TARBP1: variants seen among roughly 807,000 people sequenced by gnomAD.
TARBP1 encodes the protein tRNA (guanosine(18)-2'-O)-methyltransferase TARBP1.
Under a neutral mutation model 178.6 loss-of-function variants are expected in TARBP1, and 144 were observed. That is an observed-to-expected ratio of 0.81 (90% CI 0.70 to 0.93). The LOEUF (loss-of-function observed/expected upper bound fraction) is 0.93. TARBP1 is among the 40% of genes least tolerant of loss of function. TARBP1 has a pLI of 0.00. For missense variants in TARBP1, 2,067 were observed against 2,011.7 expected (o/e 1.03, Z -0.53); for synonymous variants, 787 against 781.0 (o/e 1.01, Z -0.13).
chr1:234,435,120 A>C (rs953273146), intron 13 of TARBP1, among the ~76,000 whole-genome samples: 3 of 152,188 alleles, frequency 2.0e-5, no homozygotes, highest in African/African-American at 7.2e-5. Context: ...AGGGCGCTAG[A>C]AGGGAACATG....
At chr1:234,398,689 T>C in intron 25 of TARBP1, 136 bp from the exon 26 acceptor site, 1 of 650,056 alleles carries the variant, frequency 1.5e-6, no homozygotes, top group Non-Finnish European at 2.3e-6. Flanking sequence ...TACTTTCATT[T>C]ATATCTTATA....
chr1:234,472,264 T>C (rs1423726118), intron 2 of TARBP1, among the ~76,000 whole-genome samples: 3 of 142,686 alleles, frequency 2.1e-5, no homozygotes, highest in African/African-American at 7.9e-5. Flanking sequence ...AGGAGGCGGA[T>C]GTTGCAGTGA....
Position 234,478,341 on chromosome 1 carries a change from C to G in TARBP1, c.763G>C (p.Ala255Pro). 7.8e-7 allele frequency: 1 copy of G among 1,284,382 alleles called. No individual in the cohort carries two copies. The highest frequency in any genetic ancestry group is 2.7e-5 in the South Asian group (1 of 36,568). 79.6% of individuals were successfully genotyped at this position (1,284,382 alleles called of 1,614,324 possible). A position where few individuals can be genotyped will look rare whatever the true frequency, so the allele number is the denominator to read the frequency against. Residue 255 changes from alanine to proline, a missense_variant, in exon 1 of 30, where the codon GCG becomes CCG. By Grantham distance (27) the Ala-to-Pro change is conservative. Transcript: ENST00000040877. ...CAGCAGCGCCGGGCGTCCGGGCCCG[C>G]CTCGCGCGCGCCGCGGGCGCGGTCG... ...GGDRARGARE[A>P]GPDARRCWRF...
At chr1:234,400,318 T>C (rs1660555050) in intron 25 of TARBP1, 2 of 152,200 alleles carry the variant, frequency 1.3e-5, no homozygotes, top group Admixed American at 6.5e-5. Context: ...CAAAGCATTC[T>C]GGGCGCTAAA....
At chr1:234,406,306 C>G in intron 23 of TARBP1, 2 of 566,988 alleles carry the variant, frequency 3.5e-6, no homozygotes, top group Non-Finnish European at 6.3e-6. Flanking sequence ...AACACATTCT[C>G]CCAGCTCTAG....
intron 9 of TARBP1, among the ~76,000 whole-genome samples, chr1:234,454,057 G>A (rs757296534): frequency 6.6e-6 from 1 of 152,104 alleles, no homozygotes; most frequent in Admixed American, 6.5e-5. Flanking sequence ...AATACAACAG[G>A]CAAATGTCTC....
chr1:234,458,946 A>C (rs915309957), intron 8 of TARBP1, among the ~76,000 whole-genome samples: 4 of 152,218 alleles, frequency 2.6e-5, no homozygotes, highest in Non-Finnish European at 4.4e-5. Flanking sequence ...TCTCAGAAAG[A>C]AAGCAGGTTT....
intron 20 of TARBP1, among the ~76,000 whole-genome samples, chr1:234,423,768 T>TC (rs1238516884): frequency 1.3e-5 from 2 of 150,888 alleles, no homozygotes; most frequent in Admixed American, 1.3e-4. Flanking sequence ...TTTTTTTTTT[T>TC]AGAGACGTAG....
In TARBP1 at chr1:234,410,654, C is replaced by G. The variant is rs556667457; in HGVS notation, c.3706-123G>C. 1.1e-5 allele frequency: 7 copies of G among 612,282 alleles called. No individual in the cohort carries two copies. In the East Asian group the frequency reaches 2.2e-4, roughly 19 times the overall value. 37.9% of individuals were successfully genotyped at this position (612,282 alleles called of 1,614,324 possible). A position where few individuals can be genotyped will look rare whatever the true frequency, so the allele number is the denominator to read the frequency against. ...GAGGCAGCCTCTTCCCTGGAACAGC[C>G]CGGGGTCTGGGTGGGAAGGGGGCTG... On this transcript the variant is annotated intron_variant, in intron 22 of 29. Transcript: ENST00000040877.
At position 234,407,341 on chromosome 1, in the gene TARBP1, C is replaced by CTTTTTTTTTTTTTTTTTTT. The variant is rs543930869; in HGVS notation, c.3793-1243_3793-1242insAAAAAAAAAAAAAAAAAAA. The CTTTTTTTTTTTTTTTTTTT allele has an allele frequency of 8.0e-5, 11 of 137,058 alleles. 1 individual carries two copies. The highest frequency in any genetic ancestry group is 2.7e-4 in the African/African-American group (10 of 36,562). The allele number at this position is 137,058 out of a possible 1,614,324, so 8.5% of individuals were successfully genotyped here. The stretch of plus-strand genomic sequence containing the variant: ...TTACAAGAGATTTGTCTTGTCCATC[C>CTTTTTTTTTTTTTTTTTTT]TTTTTTTTTTTTTTGAGATGGAGTC... On this transcript the variant is annotated intron_variant, in intron 23 of 29. Coordinates refer to ENST00000040877, the MANE Select transcript of TARBP1 (RefSeq NM_005646.4).
rs185299012 is a variant in TARBP1 at position 234,444,464 on chromosome 1, G to C, written c.2134+2339C>G. ...ACAATCCCTGAATCTCATCTGATTA[G>C]GCACAGTAAAGTGGTATTGCACATC... On this transcript the variant is annotated intron_variant, in intron 12 of 29. Coordinates refer to ENST00000040877, the MANE Select transcript of TARBP1 (RefSeq NM_005646.4). Among the ~76,000 whole-genome samples the C allele has an allele frequency of 1.8e-4, 27 of 152,230 alleles. No homozygotes were observed. The East Asian group carries it at 3.1e-3, about 17-fold the overall frequency.
intron 12 of TARBP1, among the ~76,000 whole-genome samples, chr1:234,442,263 T>C (rs1417679602): frequency 1.4e-4 from 22 of 152,124 alleles, no homozygotes; most frequent in Non-Finnish European, 1.5e-5. Flanking sequence ...ATAAAAACTT[T>C]GGCTCTGCAA....
chr1:234,466,362 C>T (rs1668434676), intron 4 of TARBP1, among the ~76,000 whole-genome samples: 1 of 151,430 alleles, frequency 6.6e-6, no homozygotes, highest in Non-Finnish European at 1.5e-5. Flanking sequence ...AATTACAAAA[C>T]TGAGCCAGGC....
At position 234,452,937 on chromosome 1, in the gene TARBP1, T is replaced by G. The variant is rs549179252; in HGVS notation, c.1723-2371A>C. ...CACAGGAAGGAACCTTAAGTGCATATTACTAAGTGGAAGAGCCAATCTGAA... is the reference window on the plus strand; with the variant it reads ...CACAGGAAGGAACCTTAAGTGCATAGTACTAAGTGGAAGAGCCAATCTGAA... On this transcript the variant is annotated intron_variant, in intron 9 of 29. Coordinates refer to ENST00000040877, the MANE Select transcript of TARBP1 (RefSeq NM_005646.4). 5.3e-5 allele frequency among the ~76,000 whole-genome samples: 8 copies of G among 152,066 alleles called. No individual in the cohort carries two copies. The South Asian group carries it at 1.7e-3, about 32-fold the overall frequency.
chr1:234,444,572 C>A (rs1665955992), intron 12 of TARBP1, among the ~76,000 whole-genome samples: 1 of 152,044 alleles, frequency 6.6e-6, no homozygotes, highest in Non-Finnish European at 1.5e-5. Flanking sequence ...CTCAGCAAGC[C>A]CAGCAATCCT....
intron 12 of TARBP1, 108 bp downstream of exon 12, chr1:234,446,695 A>C (rs1036375106): frequency 6.5e-6 from 3 of 462,870 alleles, no homozygotes; most frequent in Non-Finnish European, 9.2e-6. Context: ...TTTCTAAATT[A>C]TATAAAAAGT....
At chr1:234,473,883 TA>T (rs893651152) in intron 1 of TARBP1, among the ~76,000 whole-genome samples, 1 of 152,162 alleles carries the variant, frequency 6.6e-6, no homozygotes, top group Non-Finnish European at 1.5e-5. Context: ...AGAAAACTTT[TA>T]AAAGAGTTTT....
At chr1:234,466,488 G>A (rs569826934) in intron 4 of TARBP1, among the ~76,000 whole-genome samples, 6 of 152,086 alleles carry the variant, frequency 3.9e-5, no homozygotes, top group Admixed American at 1.3e-4. Context: ...CTCCAGCCTC[G>A]GCAACAGAGT....
chr1:234,474,401 A>G (rs1571892229), intron 1 of TARBP1, among the ~76,000 whole-genome samples: 1 of 152,144 alleles, frequency 6.6e-6, no homozygotes, highest in South Asian at 2.1e-4. Flanking sequence ...AGAACAGAAA[A>G]CAGAAAGGGA....
Sources: allele counts gnomAD v4.1 joint callset (sites outside exome capture counted in the v4.1 genomes callset), GRCh38; gene constraint gnomAD v4.1.1; transcripts MANE v1.5; gene names NCBI Gene and HGNC (gene_info 2026-07-23, HGNC 2026-07-21).